Variants in CSRNP3 observed in about 807,000 individuals in gnomAD.
CSRNP3 encodes cysteine and serine rich nuclear protein 3.
A neutral mutation model predicts 48.0 loss-of-function variants in CSRNP3; 12 were observed. The ratio of observed to expected loss-of-function variants is 0.25; its 90% CI spans 0.16 to 0.41. The LOEUF (loss-of-function observed/expected upper bound fraction) is 0.41, where lower values mean the gene tolerates loss of function less well. Ranked by LOEUF, CSRNP3 falls within the 10% of genes least tolerant of loss-of-function variation. CSRNP3 has a pLI of 1.00. For synonymous variants in CSRNP3, 263 were observed against 269.7 expected, an observed-to-expected ratio of 0.98 and a Z score of 0.24; for missense variants, 580 against 724.4, an observed-to-expected ratio of 0.80 and a Z score of 2.29.
At chr2:165,540,496 C>T (rs1008455670) in intron 3 of CSRNP3, among the ~76,000 whole-genome samples, 2 of 151,996 alleles carry the variant, frequency 1.3e-5, no homozygotes, top group East Asian at 1.9e-4. Context: ...CTTGTCTGTG[C>T]TCTACTGCTG....
intron 1 of CSRNP3, among the ~76,000 whole-genome samples, chr2:165,486,113 C>T (rs1272411958): frequency 2.6e-5 from 4 of 152,096 alleles, no homozygotes; most frequent in African/African-American, 4.8e-5. Flanking sequence ...CGAAGCAGGG[C>T]GAGGCATTGC....
chr2:165,629,031 A>G (rs1348756149), intron 4 of CSRNP3, among the ~76,000 whole-genome samples: 1 of 152,214 alleles, frequency 6.6e-6, no homozygotes, highest in Non-Finnish European at 1.5e-5. Flanking sequence ...TCCTCCCTAA[A>G]TCTGTGGAAG....
At chr2:165,647,119 A>C (rs1261199027) in intron 4 of CSRNP3, among the ~76,000 whole-genome samples, 1 of 152,088 alleles carries the variant, frequency 6.6e-6, no homozygotes, top group Non-Finnish European at 1.5e-5. Context: ...AATGCTTTCC[A>C]TCTGTGGTTC....
At chr2:165,580,220 AC>A (rs1301872625) in intron 3 of CSRNP3, among the ~76,000 whole-genome samples, 1 of 152,134 alleles carries the variant, frequency 6.6e-6, no homozygotes, top group African/African-American at 2.4e-5. Context: ...TCTCCTCTAA[AC>A]AGTGAATGTC....
intron 3 of CSRNP3, among the ~76,000 whole-genome samples, chr2:165,579,328 T>C (rs1685503347): frequency 6.6e-6 from 1 of 152,194 alleles, no homozygotes; most frequent in Admixed American, 6.5e-5. Flanking sequence ...AATAGATATG[T>C]ACCTTGAATC....
At chr2:165,618,877 C>T (rs1430672145) in intron 4 of CSRNP3, among the ~76,000 whole-genome samples, 1 of 152,136 alleles carries the variant, frequency 6.6e-6, no homozygotes, top group Non-Finnish European at 1.5e-5. Context: ...GCTAGATTAT[C>T]CTTATGAAGG....
chr2:165,474,386 C>T lies in CSRNP3; in HGVS notation c.-283+4646C>T, dbSNP rs1182947898. ...TCCCAAGTGGCTGGGGGATTGCAGG[C>T]TTATACCACTGTCCCTGGCAAAAGT... On this transcript the variant is annotated intron_variant, in intron 1 of 6. Coordinates refer to ENST00000651982, the MANE Select transcript of CSRNP3 (RefSeq NM_001172173.2). Among the ~76,000 whole-genome samples the T allele has an allele frequency of 2.6e-5, 4 of 152,132 alleles. No homozygotes were observed. In the South Asian group the frequency reaches 6.2e-4, roughly 24 times the overall value.
intron 4 of CSRNP3, among the ~76,000 whole-genome samples, chr2:165,600,158 C>T (rs1685890194): frequency 7.0e-6 from 1 of 142,844 alleles, no homozygotes; most frequent in Non-Finnish European, 1.5e-5. Flanking sequence ...TGTTCAGTTC[C>T]CACCTATGAG....
intron 1 of CSRNP3, among the ~76,000 whole-genome samples, chr2:165,485,099 G>A (rs1231369326): frequency 6.6e-6 from 1 of 152,146 alleles, no homozygotes; most frequent in Non-Finnish European, 1.5e-5. Context: ...CACAGTTCTG[G>A]AGGGTGGAAG....
Position 165,640,908 on chromosome 2 carries a change from A to G in CSRNP3, c.149-16853A>G, listed in dbSNP as rs1679487843. On this transcript the variant is annotated intron_variant, in intron 4 of 6. Coordinates refer to ENST00000651982, the MANE Select transcript of CSRNP3 (RefSeq NM_001172173.2). ...TATAGTTTTACCTATTTAAACTATGATCGTGCTGCTGAGGATTCAATGAAT... is the reference window on the plus strand; with the variant it reads ...TATAGTTTTACCTATTTAAACTATGGTCGTGCTGCTGAGGATTCAATGAAT... 2.0e-5 allele frequency among the ~76,000 whole-genome samples: 3 copies of G among 152,222 alleles called. No individual in the cohort carries two copies. The South Asian group carries it at 6.2e-4, about 32-fold the overall frequency.
intron 3 of CSRNP3, among the ~76,000 whole-genome samples, chr2:165,521,027 C>T (rs1001551907): frequency 2.6e-5 from 4 of 150,966 alleles, no homozygotes; most frequent in Non-Finnish European, 5.9e-5. Flanking sequence ...CAAGGTCTTG[C>T]TTGTAGCTCA....
chr2:165,604,187 A>G (rs956534466), intron 4 of CSRNP3, among the ~76,000 whole-genome samples: 2 of 152,244 alleles, frequency 1.3e-5, no homozygotes, highest in Non-Finnish European at 2.9e-5. Flanking sequence ...ACGATCTAAC[A>G]GTATTTTAGC....
At position 165,664,496 on chromosome 2, in the gene CSRNP3, T is replaced by G. The variant is rs182657501; in HGVS notation, c.408+6476T>G. On this transcript the variant is annotated intron_variant, in intron 5 of 6. Transcript: ENST00000651982. ...AGTAAATCTTCCCTATTTTCCGAAT[T>G]CTGGCTGTTTGAAAGCAATGGTGAT... Among the ~76,000 whole-genome samples, 275 of 152,330 alleles carry G rather than the reference T, an allele frequency of 1.8e-3. 2 individuals carry two copies. Among genetic ancestry groups the G allele is most frequent in the African/African-American group, 6.3e-3 (260 of 41,586 alleles).
At chr2:165,615,987 T>C (rs57701791) in intron 4 of CSRNP3, among the ~76,000 whole-genome samples, 22,460 of 150,380 alleles carry the variant, frequency 0.15, 1,907 homozygotes, top group East Asian at 0.35. Flanking sequence ...TGCCTCAGCC[T>C]TCTGAGTCAC....
At chr2:165,667,080 A>G (rs373150940) in intron 5 of CSRNP3, among the ~76,000 whole-genome samples, 1,153 of 7,234 alleles carry the variant, frequency 0.16, 196 homozygotes, top group African/African-American at 0.22. Context: ...AGAGAGAGAG[A>G]AAGAAAGAGA....
chr2:165,642,588 T>G (rs1686741504), intron 4 of CSRNP3, among the ~76,000 whole-genome samples: 3 of 151,250 alleles, frequency 2.0e-5, no homozygotes, highest in African/African-American at 4.9e-5. Context: ...TGAGATTTAG[T>G]TTTGCTCTTT....
intron 1 of CSRNP3, among the ~76,000 whole-genome samples, chr2:165,479,108 C>T (rs1684005629): frequency 1.3e-5 from 2 of 152,026 alleles, no homozygotes; most frequent in African/African-American, 4.8e-5. Context: ...ATAATTGAAA[C>T]ATACCAAAAA....
At chr2:165,638,588 T>G (rs1018091989) in intron 4 of CSRNP3, among the ~76,000 whole-genome samples, 5 of 152,356 alleles carry the variant, frequency 3.3e-5, no homozygotes, top group African/African-American at 1.2e-4. Flanking sequence ...AAATCTTTAA[T>G]ATGCCAACAA....
At chr2:165,663,040 T>C (rs778796494) in intron 5 of CSRNP3, among the ~76,000 whole-genome samples, 3 of 152,208 alleles carry the variant, frequency 2.0e-5, no homozygotes, top group Non-Finnish European at 4.4e-5. Context: ...GATTTATGAC[T>C]GCTTTGCCCA....
Sources: gnomAD v4.1 joint callset for allele counts (sites outside exome capture counted in the v4.1 genomes callset) on GRCh38, gnomAD v4.1.1 for gene constraint, MANE v1.5 for transcripts, NCBI Gene and HGNC (gene_info 2026-07-23, HGNC 2026-07-21) for gene names.